Variants in FOXP1 observed in about 807,000 individuals in gnomAD.
FOXP1 encodes the protein forkhead box protein P1.
FOXP1 carries 15 observed loss-of-function variants against 98.2 expected under a neutral mutation model. The ratio of observed to expected loss-of-function variants is 0.15; its 90% CI spans 0.10 to 0.24. The LOEUF (loss-of-function observed/expected upper bound fraction) is 0.24. Among genes scored for constraint, FOXP1 ranks in the 10% least tolerant of loss-of-function variants. The pLI is 1.00. For synonymous variants in FOXP1, 371 were observed against 314.5 expected, an observed-to-expected ratio of 1.18 and a Z score of -1.90; for missense variants, 633 against 848.5, an observed-to-expected ratio of 0.75 and a Z score of 3.15.
At chr3:71,328,658 AGCTACGGTATTG>A (rs2076071048) in intron 4 of FOXP1, among the ~76,000 whole-genome samples, 1 of 152,166 alleles carries the variant, frequency 6.6e-6, no homozygotes, top group African/African-American at 2.4e-5. Flanking sequence ...TGACCAGGGT[AGCTACGGTATTG>A]GCTAAAAGAA....
chr3:71,415,272 C>G (rs936636269), intron 3 of FOXP1, among the ~76,000 whole-genome samples: 3 of 152,166 alleles, frequency 2.0e-5, no homozygotes, highest in African/African-American at 7.2e-5. Context: ...TGAAAAAACA[C>G]TGAGAAATGA....
chr3:71,203,347 T>C lies in FOXP1; in HGVS notation c.-11-4955A>G, dbSNP rs76269238. Among the ~76,000 whole-genome samples, 513 of 152,338 alleles carry C rather than the reference T, an allele frequency of 3.4e-3. 1 individual carries two copies. Among genetic ancestry groups the C allele is most frequent in the African/African-American group, 0.011 (475 of 41,572 alleles). Reference sequence around the variant, plus strand: ...GTTCGATTTTTGTGCTGGAGGGACTTGTAGAAAAGGACAAGGACTGAGTTT... The same window carrying C: ...GTTCGATTTTTGTGCTGGAGGGACTCGTAGAAAAGGACAAGGACTGAGTTT... On this transcript the variant is annotated intron_variant, in intron 5 of 20. Transcript: ENST00000649528.
intron 5 of FOXP1, among the ~76,000 whole-genome samples, chr3:71,261,802 C>A (rs2069164238): frequency 6.6e-6 from 1 of 152,120 alleles, no homozygotes; most frequent in South Asian, 2.1e-4. Flanking sequence ...ATTTGAATCA[C>A]TGCAGATTCA....
chr3:71,444,320 G>A (rs1464550185), intron 3 of FOXP1, among the ~76,000 whole-genome samples: 1 of 152,000 alleles, frequency 6.6e-6, no homozygotes, highest in East Asian at 1.9e-4. Flanking sequence ...AGTACAGACA[G>A]GTTCTACAAT....
chr3:71,460,566 A>T (rs528032330), intron 3 of FOXP1, among the ~76,000 whole-genome samples: 32 of 152,072 alleles, frequency 2.1e-4, no homozygotes, highest in Non-Finnish European at 3.4e-4. Flanking sequence ...CCTCCCAAGT[A>T]GCTGGGACTA....
At chr3:71,365,581 G>A (rs1273822948) in intron 3 of FOXP1, among the ~76,000 whole-genome samples, 1 of 152,010 alleles carries the variant, frequency 6.6e-6, no homozygotes, top group African/African-American at 2.4e-5. Context: ...AAAATAAACA[G>A]TAGATTTTAG....
At chr3:71,280,297 A>G (rs577687814) in intron 5 of FOXP1, among the ~76,000 whole-genome samples, 1 of 150,922 alleles carries the variant, frequency 6.6e-6, no homozygotes, top group African/African-American at 2.4e-5. Context: ...TCAACACCCA[A>G]AATTATCCGG....
Position 70,959,297 on chromosome 3 carries a change from C to A in FOXP1, c.1984G>T (p.Asp662Tyr). 1 of 1,613,742 alleles carries A rather than the reference C, an allele frequency of 6.2e-7. No homozygotes were observed. Among genetic ancestry groups the A allele is most frequent in the South Asian group, 1.1e-5 (1 of 91,048 alleles). The change falls in exon 21 of 21, where the codon GAC (aspartate) becomes TAC (tyrosine). Residue 662 changes from aspartate to tyrosine, a missense_variant. Coordinates refer to ENST00000649528, the MANE Select transcript of FOXP1 (RefSeq NM_001349338.3). ...TCATCTTCGTAATCTCTGTCATGGT[C>A]AAAATCTGGACTGTGGTTGGCTGTT... ...VTTANHSPDF[D>Y]HDRDYEDEPV...
At chr3:71,379,301 A>G (rs1340897587) in intron 3 of FOXP1, among the ~76,000 whole-genome samples, 3 of 152,142 alleles carry the variant, frequency 2.0e-5, no homozygotes, top group Non-Finnish European at 4.4e-5. Context: ...CATAGCAACA[A>G]ATTACACTGG....
chr3:71,348,686 A>C (rs1031350091), intron 4 of FOXP1, among the ~76,000 whole-genome samples: 1 of 151,690 alleles, frequency 6.6e-6, no homozygotes, highest in African/African-American at 2.4e-5. Context: ...GTAAAGGGGG[A>C]GGTGCTATCA....
Position 71,285,527 on chromosome 3 carries a change from T to C in FOXP1, c.-12+14293A>G, listed in dbSNP as rs76493437. Among the ~76,000 whole-genome samples, 147 of 152,286 alleles carry C rather than the reference T, an allele frequency of 9.7e-4. 9 individuals are homozygous for C. In the East Asian group the frequency reaches 0.028, roughly 29 times the overall value. ...GGTGAAAAGTGGGCACTTTCTGAGA[T>C]AAACATTTTCAGATGATGCTTTTCC... On this transcript the variant is annotated intron_variant, in intron 5 of 20. Transcript: ENST00000649528.
At chr3:71,101,691 A>AAC (rs1368565569) in intron 7 of FOXP1, among the ~76,000 whole-genome samples, 2 of 151,794 alleles carry the variant, frequency 1.3e-5, no homozygotes, top group African/African-American at 4.8e-5. Flanking sequence ...AAAAAAAAAA[A>AAC]AAAACACCAC....
chr3:71,267,902 C>T (rs1448617133), intron 5 of FOXP1, among the ~76,000 whole-genome samples: 7 of 151,388 alleles, frequency 4.6e-5, no homozygotes, highest in African/African-American at 1.7e-4. Flanking sequence ...CCTGTAATCC[C>T]AGCTATTCGG....
intron 14 of FOXP1, among the ~76,000 whole-genome samples, chr3:70,985,454 T>C (rs909122696): frequency 6.6e-6 from 1 of 152,188 alleles, no homozygotes; most frequent in Non-Finnish European, 1.5e-5. Context: ...TATAATTAAT[T>C]TCCCAATGCC....
chr3:71,518,598 C>T (rs964492057), intron 2 of FOXP1, among the ~76,000 whole-genome samples: 8 of 152,192 alleles, frequency 5.3e-5, no homozygotes, highest in Non-Finnish European at 1.2e-4. Context: ...ATGACCCTTG[C>T]TCTTTTCTCA....
At chr3:71,082,842 T>G (rs144167940) in intron 7 of FOXP1, among the ~76,000 whole-genome samples, 5 of 152,274 alleles carry the variant, frequency 3.3e-5, no homozygotes, top group African/African-American at 9.6e-5. Context: ...ATCTAGGAAG[T>G]GATTTTTCCG....
intron 5 of FOXP1, among the ~76,000 whole-genome samples, chr3:71,211,771 T>C (rs1212972711): frequency 6.6e-6 from 1 of 152,206 alleles, no homozygotes; most frequent in Non-Finnish European, 1.5e-5. Context: ...GGCATCTTAG[T>C]GGACACCGGA....
intron 2 of FOXP1, among the ~76,000 whole-genome samples, chr3:71,513,145 G>A (rs986548747): frequency 1.3e-5 from 2 of 152,050 alleles, no homozygotes; most frequent in African/African-American, 4.8e-5. Flanking sequence ...CCTGTCCTCT[G>A]GAATGTCTAG....
At chr3:71,270,235 T>C (rs2070205066) in intron 5 of FOXP1, among the ~76,000 whole-genome samples, 1 of 152,170 alleles carries the variant, frequency 6.6e-6, no homozygotes, top group Non-Finnish European at 1.5e-5. Context: ...AATCAAAGCG[T>C]TATAAATTCA....
Sources: allele counts gnomAD v4.1 joint callset (sites outside exome capture counted in the v4.1 genomes callset), GRCh38; gene constraint gnomAD v4.1.1; transcripts MANE v1.5; gene names NCBI Gene and HGNC (gene_info 2026-07-23, HGNC 2026-07-21).